Variants in LRBA observed in about 807,000 individuals in gnomAD.
LRBA encodes lipopolysaccharide-responsive and beige-like anchor protein.
A neutral mutation model predicts 330.0 loss-of-function variants in LRBA; 176 were observed. That is an observed-to-expected ratio of 0.53 (90% CI 0.47 to 0.60). The LOEUF is 0.60. Among genes scored for constraint, LRBA ranks in the 20% least tolerant of loss-of-function variants. The probability of loss-of-function intolerance (pLI) is 0.00; values close to 1 mark genes in which losing one functional copy is unlikely to be tolerated. For missense variants in LRBA, 3,259 were observed against 3,444.8 expected, an observed-to-expected ratio of 0.95 and a Z score of 1.35; for synonymous variants, 1,230 against 1,193.0, an observed-to-expected ratio of 1.03 and a Z score of -0.64.
intron 53 of LRBA, among the ~76,000 whole-genome samples, chr4:150,298,473 C>T (rs369248952): frequency 2.6e-5 from 4 of 151,842 alleles, no homozygotes; most frequent in Admixed American, 6.6e-5. Flanking sequence ...GTAGGATTTA[C>T]GGTAATGACT....
intron 42 of LRBA, among the ~76,000 whole-genome samples, chr4:150,478,903 G>A (rs541738932): frequency 5.5e-4 from 84 of 152,244 alleles, no homozygotes; most frequent in African/African-American, 1.9e-3. Context: ...TTTTAAAAAT[G>A]TATGGGTAAA....
intron 49 of LRBA, among the ~76,000 whole-genome samples, chr4:150,323,025 G>GTGTGTGTGTGTGTGTGTGTGTGT (rs373782725): frequency 3.5e-5 from 5 of 142,540 alleles, no homozygotes; most frequent in African/African-American, 5.5e-5. Context: ...GTGTGTGTGT[G>GTGTGTGTGTGTGTGTGTGTGTGT]GGGATGCATT....
intron 52 of LRBA, among the ~76,000 whole-genome samples, chr4:150,307,111 G>A (rs1730450545): frequency 6.6e-6 from 1 of 151,982 alleles, no homozygotes; most frequent in African/African-American, 2.4e-5. Flanking sequence ...TTAATACTGA[G>A]TGTCTTTAAA....
intron 51 of LRBA, among the ~76,000 whole-genome samples, chr4:150,312,971 T>G (rs916559260): frequency 1.3e-5 from 2 of 151,826 alleles, no homozygotes; most frequent in Admixed American, 6.6e-5. Context: ...TATTAAACTT[T>G]ATAATATAAT....
chr4:151,010,613 G>A (rs1054819841), intron 2 of LRBA, among the ~76,000 whole-genome samples: 1 of 152,188 alleles, frequency 6.6e-6, no homozygotes. Flanking sequence ...AGGCACGGTG[G>A]CTCACACCTG....
chr4:150,936,966 T>A (rs1735140695), intron 2 of LRBA, among the ~76,000 whole-genome samples: 1 of 152,056 alleles, frequency 6.6e-6, no homozygotes, highest in Non-Finnish European at 1.5e-5. Context: ...TTCATCTTAA[T>A]ATTACTTACA....
chr4:150,333,939 G>GA (rs1734312702), intron 48 of LRBA, among the ~76,000 whole-genome samples: 2 of 152,040 alleles, frequency 1.3e-5, no homozygotes, highest in Non-Finnish European at 2.9e-5. Context: ...TCCCAAAAGA[G>GA]AAAATCAGAG....
intron 44 of LRBA, among the ~76,000 whole-genome samples, chr4:150,443,921 C>T (rs1382169567): frequency 7.1e-6 from 1 of 141,334 alleles, no homozygotes; most frequent in Non-Finnish European, 1.5e-5. Flanking sequence ...AACTGACTAG[C>T]AAATCCCAGA....
chr4:150,780,630 C>CTATATATATACGT (rs1560807401), intron 34 of LRBA, among the ~76,000 whole-genome samples: 3 of 46,568 alleles, frequency 6.4e-5, no homozygotes, highest in African/African-American at 1.9e-4. Flanking sequence ...TATATATACA[C>CTATATATATACGT]GTATATATAT....
At chr4:150,850,582 T>C (rs1750498720) in intron 24 of LRBA, 142 bp downstream of exon 24, 1 of 458,090 alleles carries the variant, frequency 2.2e-6, no homozygotes, top group East Asian at 3.5e-5. Flanking sequence ...AAAAGTGAAT[T>C]CAGTAAAACC....
At position 150,517,955 on chromosome 4, in the gene LRBA, T is replaced by C. The variant is rs1054930460; in HGVS notation, c.6331-26920A>G. Among the ~76,000 whole-genome samples the C allele has an allele frequency of 5.3e-5, 8 of 152,326 alleles. No homozygotes were observed. In the East Asian group the frequency reaches 5.8e-4, roughly 11 times the overall value. On this transcript the variant is annotated intron_variant, in intron 40 of 56. Coordinates refer to ENST00000651943, the MANE Select transcript of LRBA (RefSeq NM_001364905.1). ...GCACTGTGCTGGTAACTTTTGCAGT[T>C]TGAAGTATGACAGCAAAACTAGCAC...
intron 36 of LRBA, among the ~76,000 whole-genome samples, chr4:150,729,395 C>A (rs1052989440): frequency 3.3e-5 from 5 of 151,922 alleles, no homozygotes; most frequent in African/African-American, 1.2e-4. Flanking sequence ...ATCCCATTTA[C>A]AATAGAAACA....
chr4:150,508,490 T>C (rs988668765), intron 40 of LRBA, among the ~76,000 whole-genome samples: 16 of 152,136 alleles, frequency 1.1e-4, no homozygotes, highest in Non-Finnish European at 1.2e-4. Context: ...GGTTTCACCA[T>C]GTTGGCTAGG....
chr4:150,708,544 G>A (rs1174171777), intron 36 of LRBA, among the ~76,000 whole-genome samples: 1 of 151,716 alleles, frequency 6.6e-6, no homozygotes, highest in Non-Finnish European at 1.5e-5. Context: ...TCAAAAAATA[G>A]AATTGGTAAA....
chr4:150,875,730 GA>G (rs1281091557), intron 17 of LRBA, among the ~76,000 whole-genome samples: 3 of 151,992 alleles, frequency 2.0e-5, no homozygotes, highest in East Asian at 1.9e-4. Context: ...TACAGAGAAA[GA>G]AAAAAATCTT....
intron 52 of LRBA, among the ~76,000 whole-genome samples, chr4:150,305,528 C>A (rs1487628488): frequency 6.6e-6 from 1 of 152,152 alleles, no homozygotes; most frequent in Non-Finnish European, 1.5e-5. Flanking sequence ...CCCTCATAGC[C>A]TTTACAGTCT....
At chr4:150,929,092 T>A in intron 2 of LRBA, 27 bp from the exon 3 acceptor site, 2 of 1,392,324 alleles carry the variant, frequency 1.4e-6, no homozygotes, top group Non-Finnish European at 2.0e-6. Flanking sequence ...AAAAACACAT[T>A]AAAAGCATTA....
At chr4:150,793,392 T>C (rs1356647014) in intron 34 of LRBA, among the ~76,000 whole-genome samples, 2 of 152,188 alleles carry the variant, frequency 1.3e-5, no homozygotes, top group African/African-American at 2.4e-5. Context: ...TATTTGGTAA[T>C]GATAAAATTA....
rs1223608954 is a variant in LRBA, at chr4:150,817,159, G to A, written c.5270C>T (p.Ser1757Leu). 3 of 1,611,916 alleles carry A rather than the reference G, an allele frequency of 1.9e-6. No homozygotes were observed. Among genetic ancestry groups the A allele is most frequent in the Admixed American group, 1.7e-5 (1 of 59,852 alleles). Reference protein sequence around the residue: ...NAVSVVSSVDSAQASDMGGES... With the variant: ...NAVSVVSSVDLAQASDMGGES... ...TCCTCCCATATCTGAGGCTTGGGCT[G>A]AATCTACTGAGGAAACCACACTGAC... The change falls in exon 31 of 57, where the codon TCA becomes TTA. Residue 1757 changes from serine (S) to leucine (L), a missense_variant. Coordinates refer to ENST00000651943, the MANE Select transcript of LRBA (RefSeq NM_001364905.1).
Sources: gnomAD v4.1 joint callset for allele counts (sites outside exome capture counted in the v4.1 genomes callset) on GRCh38, gnomAD v4.1.1 for gene constraint, MANE v1.5 for transcripts, NCBI Gene and HGNC (gene_info 2026-07-23, HGNC 2026-07-21) for gene names.